The following KCNH5 variants were observed in gnomAD, a reference collection of about 807,000 sequenced individuals.
The protein encoded by KCNH5 is potassium voltage-gated channel subfamily H member 5, also known as voltage-gated delayed rectifier potassium channel KCNH5.
Under a neutral mutation model 96.1 loss-of-function variants are expected in KCNH5, and 46 were observed. The ratio of observed to expected loss-of-function variants is 0.48; its 90% CI spans 0.38 to 0.61. KCNH5 has a LOEUF of 0.61. Ranked by LOEUF, KCNH5 falls within the 20% of genes least tolerant of loss-of-function variation. The pLI is 0.00. For missense variants in KCNH5, 907 were observed against 1,225.8 expected (o/e 0.74, Z 3.88); for synonymous variants, 439 against 449.8 (o/e 0.98, Z 0.30).
intron 1 of KCNH5, among the ~76,000 whole-genome samples, chr14:63,036,703 G>C (rs1016881618): frequency 1.3e-5 from 2 of 152,062 alleles, no homozygotes; most frequent in Admixed American, 6.6e-5. Flanking sequence ...ATGCAAGAAA[G>C]AAAGTTGAAG....
At chr14:63,003,525 T>A (rs1377753789) in intron 3 of KCNH5, among the ~76,000 whole-genome samples, 1 of 115,636 alleles carries the variant, frequency 8.6e-6, no homozygotes, top group African/African-American at 3.6e-5. Flanking sequence ...TTTATATATT[T>A]TATATATATT....
intron 7 of KCNH5, among the ~76,000 whole-genome samples, chr14:62,886,505 G>A (rs1888601443): frequency 6.6e-6 from 1 of 152,144 alleles, no homozygotes; most frequent in African/African-American, 2.4e-5. Flanking sequence ...AGTGGGGTGT[G>A]CATGTGTCTG....
At chr14:62,811,087 T>C (rs1338782560) in intron 8 of KCNH5, among the ~76,000 whole-genome samples, 2 of 151,916 alleles carry the variant, frequency 1.3e-5, no homozygotes, top group East Asian at 3.9e-4. Context: ...GAAAAAAAAA[T>C]GAATGTCATG....
intron 5 of KCNH5, among the ~76,000 whole-genome samples, chr14:62,983,130 G>A (rs1002159363): frequency 4.5e-4 from 69 of 152,114 alleles, no homozygotes; most frequent in African/African-American, 1.6e-3. Flanking sequence ...AACAAACTCA[G>A]TACCAGGGTG....
rs1474332058 is a variant in KCNH5 at position 62,948,961 on chromosome 14, C to G, written c.1369+1172G>C. Among the ~76,000 whole-genome samples, 60 of 150,512 alleles carry G rather than the reference C, an allele frequency of 4.0e-4. 3 individuals are homozygous for G. In the South Asian group the frequency reaches 7.9e-3, roughly 20 times the overall value. On this transcript the variant is annotated intron_variant, in intron 7 of 10. Transcript: ENST00000322893. ...AAGGCCTTTGACAAAATTCAACAACCTTTCATGCTAAAAACTCTCAATAAA... is the reference window on the plus strand; with the variant it reads ...AAGGCCTTTGACAAAATTCAACAACGTTTCATGCTAAAAACTCTCAATAAA...
intron 7 of KCNH5, among the ~76,000 whole-genome samples, chr14:62,857,381 T>A (rs1189383465): frequency 6.6e-6 from 1 of 152,184 alleles, no homozygotes; most frequent in East Asian, 1.9e-4. Context: ...CCTTCTATGA[T>A]AGTTATTCTC....
intron 6 of KCNH5, among the ~76,000 whole-genome samples, chr14:62,951,587 G>A (rs770912637): frequency 6.6e-6 from 1 of 152,166 alleles, no homozygotes; most frequent in Admixed American, 6.5e-5. Context: ...TGACCAGCAA[G>A]GAGGAATTTG....
chr14:62,991,676 TA>T (rs1289078578), intron 4 of KCNH5, among the ~76,000 whole-genome samples: 1 of 152,054 alleles, frequency 6.6e-6, no homozygotes, highest in Non-Finnish European at 1.5e-5. Context: ...GTAATCTTTT[TA>T]TTTGACTCTG....
chr14:62,800,360 A>T (rs1438469326), intron 9 of KCNH5, among the ~76,000 whole-genome samples: 2 of 152,166 alleles, frequency 1.3e-5, no homozygotes, highest in African/African-American at 4.8e-5. Flanking sequence ...TGGGCAAAAC[A>T]AGTTACCATT....
At chr14:62,818,594 C>T (rs1043169827) in intron 8 of KCNH5, among the ~76,000 whole-genome samples, 1 of 152,094 alleles carries the variant, frequency 6.6e-6, no homozygotes, top group African/African-American at 2.4e-5. Flanking sequence ...TACCACTACT[C>T]AAAACTCTTT....
rs1168355703 is a variant in KCNH5, at chr14:63,045,443, G to C, written c.-257C>G. 16 of 513,646 alleles carry C rather than the reference G, an allele frequency of 3.1e-5. No homozygotes were observed. The highest frequency in any genetic ancestry group is 1.0e-4 in the South Asian group (4 of 39,578). The allele number at this position is 513,646 out of a possible 1,614,324, so 31.8% of individuals were successfully genotyped here. A position where few individuals can be genotyped will look rare whatever the true frequency, so the allele number is the denominator to read the frequency against. ...CCCAGACTGTGGCGGTGCCGCACAC[G>C]GGGCTCGGGAACTGCAGGCTCCGCG... On this transcript the variant is annotated 5_prime_UTR_variant, in exon 1 of 11. Coordinates refer to ENST00000322893, the MANE Select transcript of KCNH5 (RefSeq NM_139318.5).
intron 10 of KCNH5, among the ~76,000 whole-genome samples, chr14:62,743,672 C>T (rs1273394888): frequency 2.0e-5 from 3 of 152,020 alleles, no homozygotes; most frequent in African/African-American, 4.8e-5. Context: ...ATACAAACCC[C>T]CTGCTGGGCC....
chr14:62,998,085 G>C (rs769522001), intron 4 of KCNH5, among the ~76,000 whole-genome samples: 1 of 151,890 alleles, frequency 6.6e-6, no homozygotes, highest in Non-Finnish European at 1.5e-5. Context: ...GTATGGTAGC[G>C]CTTACCAATG....
Position 63,006,017 on chromosome 14 carries a change from G to A in KCNH5, c.304+349C>T, listed in dbSNP as rs141948313. 3.8e-3 allele frequency among the ~76,000 whole-genome samples: 585 copies of A among 152,152 alleles called. 4 individuals are homozygous for A. The highest frequency in any genetic ancestry group is 0.013 in the African/African-American group (519 of 41,494). ...CATATATCCAGTGTTAACAATTACC[G>A]TTTTCTTTAACCATAAGAAGAAATT... On this transcript the variant is annotated intron_variant, in intron 3 of 10. Coordinates refer to ENST00000322893, the MANE Select transcript of KCNH5 (RefSeq NM_139318.5).
At chr14:62,710,015 C>T (rs10873162) in intron 10 of KCNH5, among the ~76,000 whole-genome samples, 132,371 of 152,064 alleles carry the variant, frequency 0.87, 58,688 homozygotes, top group East Asian at 1. Flanking sequence ...ACTCAGCATA[C>T]GTTGGTTCTC....
intron 8 of KCNH5, among the ~76,000 whole-genome samples, chr14:62,804,200 T>C (rs1368112754): frequency 6.6e-6 from 1 of 152,180 alleles, no homozygotes; most frequent in Non-Finnish European, 1.5e-5. Flanking sequence ...CTCTGGGTTT[T>C]TTTCATACTC....
chr14:62,932,976 A>G (rs998827645), intron 7 of KCNH5, among the ~76,000 whole-genome samples: 14 of 152,180 alleles, frequency 9.2e-5, no homozygotes, highest in African/African-American at 3.4e-4. Context: ...AGAGGCTACT[A>G]TAAGAGGTGT....
chr14:62,995,036 G>T (rs1208087253), intron 4 of KCNH5, among the ~76,000 whole-genome samples: 1 of 152,068 alleles, frequency 6.6e-6, no homozygotes, highest in Non-Finnish European at 1.5e-5. Context: ...TTACAAGGAA[G>T]AGGTACGTTC....
chr14:63,002,604 G>A (rs749430007), intron 3 of KCNH5, among the ~76,000 whole-genome samples: 36 of 152,070 alleles, frequency 2.4e-4, no homozygotes, highest in East Asian at 3.9e-4. Flanking sequence ...ATTAAGAACC[G>A]AATAAGAAGC....
Sources: gnomAD v4.1 joint callset for allele counts (sites outside exome capture counted in the v4.1 genomes callset) on GRCh38, gnomAD v4.1.1 for gene constraint, MANE v1.5 for transcripts, NCBI Gene and HGNC (gene_info 2026-07-23, HGNC 2026-07-21) for gene names.